SNX29: variants seen among roughly 807,000 people sequenced by gnomAD.
SNX29 encodes the protein sorting nexin 29.
A neutral mutation model predicts 102.1 loss-of-function variants in SNX29; 78 were observed. That is an observed-to-expected ratio of 0.76 (90% CI 0.64 to 0.92). The LOEUF (loss-of-function observed/expected upper bound fraction) is 0.92. SNX29 is among the 40% of genes least tolerant of loss of function. The probability of loss-of-function intolerance (pLI) is 0.00; values close to 1 mark genes in which losing one functional copy is unlikely to be tolerated. For missense variants in SNX29, 1,280 were observed against 1,061.7 expected (o/e 1.21, Z -2.86); for synonymous variants, 580 against 414.5 (o/e 1.40, Z -4.85).
chr16:11,999,240 T>C, intron 1 of SNX29, 57 bp from the exon 2 acceptor site: 2 of 1,539,250 alleles, frequency 1.3e-6, no homozygotes, highest in Non-Finnish European at 9.0e-7. Flanking sequence ...CTGATCTAGT[T>C]GGGGACAGCC....
At chr16:12,032,203 C>CTTTT (rs781326269) in intron 4 of SNX29, among the ~76,000 whole-genome samples, 1 of 124,394 alleles carries the variant, frequency 8.0e-6, no homozygotes, top group African/African-American at 3.4e-5. Context: ...TCTTCTTCTT[C>CTTTT]TTTTTTTTTT....
Position 12,188,938 on chromosome 16 carries a change from T to G in SNX29, c.1596-10663T>G, listed in dbSNP as rs138729512. On this transcript the variant is annotated intron_variant, in intron 13 of 20. Transcript: ENST00000566228. The stretch of plus-strand genomic sequence containing the variant: ...CTTGTACGTGGGAGGTACCACTGTT[T>G]TCTGAACAGGGTTATGAGCAATAAT... Among the ~76,000 whole-genome samples, 574 of 152,270 alleles carry G rather than the reference T, an allele frequency of 3.8e-3. 5 individuals are homozygous for G. The highest frequency in any genetic ancestry group is 0.014 in the Middle Eastern group (4 of 294).
intron 3 of SNX29, among the ~76,000 whole-genome samples, chr16:12,018,598 G>A (rs2056920577): frequency 6.6e-6 from 1 of 151,066 alleles, no homozygotes; most frequent in African/African-American, 2.4e-5. Flanking sequence ...AAAAAAAAAA[G>A]AAAGATATAT....
intron 15 of SNX29, among the ~76,000 whole-genome samples, chr16:12,354,764 C>T (rs2082084282): frequency 6.6e-6 from 1 of 152,100 alleles, no homozygotes; most frequent in African/African-American, 2.4e-5. Flanking sequence ...TTGTTAAAGG[C>T]CCAAAGACGA....
intron 19 of SNX29, among the ~76,000 whole-genome samples, chr16:12,485,027 A>G (rs1450651626): frequency 6.6e-6 from 1 of 152,248 alleles, no homozygotes; most frequent in Non-Finnish European, 1.5e-5. Flanking sequence ...AATTCAGTGG[A>G]AGAGTTTCCC....
chr16:12,116,918 A>C (rs1487929003), intron 11 of SNX29, among the ~76,000 whole-genome samples: 1 of 152,214 alleles, frequency 6.6e-6, no homozygotes, highest in Admixed American at 6.5e-5. Flanking sequence ...GGCACGGTCA[A>C]TACGTGCTTC....
intron 10 of SNX29, among the ~76,000 whole-genome samples, chr16:12,078,295 C>G (rs148509236): frequency 2.6e-5 from 4 of 151,606 alleles, no homozygotes; most frequent in Admixed American, 1.3e-4. Context: ...GCCAACTTGG[C>G]GAAACCCCAT....
At chr16:12,134,765 C>T (rs1383624914) in intron 13 of SNX29, among the ~76,000 whole-genome samples, 2 of 152,210 alleles carry the variant, frequency 1.3e-5, no homozygotes, top group African/African-American at 2.4e-5. Flanking sequence ...CTGCCTGCTA[C>T]ACTCATCAGG....
At chr16:12,472,537 A>C (rs899636228) in intron 18 of SNX29, among the ~76,000 whole-genome samples, 4 of 149,856 alleles carry the variant, frequency 2.7e-5, no homozygotes, top group African/African-American at 7.3e-5. Context: ...ACCAAAAAAA[A>C]AAAAAACAAA....
rs150890802 is a variant in SNX29, at chr16:12,471,351, A to G, written c.2038-6368A>G. On this transcript the variant is annotated intron_variant, in intron 18 of 20. Transcript: ENST00000566228. ...ACGTGTACAAAATGTTGTCCTGAAT[A>G]TAATTGCTTAATTCTCCTCCTCTTC... Among the ~76,000 whole-genome samples, 19 of 152,308 alleles carry G rather than the reference A, an allele frequency of 1.2e-4. No homozygotes were observed. In the South Asian group the frequency reaches 2.3e-3, roughly 18 times the overall value.
At chr16:12,123,387 TACTC>T (rs2054062026) in intron 11 of SNX29, among the ~76,000 whole-genome samples, 1 of 152,194 alleles carries the variant, frequency 6.6e-6, no homozygotes, top group African/African-American at 2.4e-5. Context: ...CTGCAGAACT[TACTC>T]ATCTTCTAAC....
chr16:12,542,377 C>T (rs769870347), intron 20 of SNX29, among the ~76,000 whole-genome samples: 1 of 152,204 alleles, frequency 6.6e-6, no homozygotes, highest in Non-Finnish European at 1.5e-5. Context: ...GTTCTATCAC[C>T]CAGGGTGGAG....
At chr16:12,085,074 GA>G (rs1363748523) in intron 11 of SNX29, among the ~76,000 whole-genome samples, 1 of 150,362 alleles carries the variant, frequency 6.7e-6, no homozygotes, top group Non-Finnish European at 1.5e-5. Flanking sequence ...GTCTCAAAAA[GA>G]AAAAGAAAAA....
intron 11 of SNX29, among the ~76,000 whole-genome samples, chr16:12,083,025 CG>C (rs1162816972): frequency 6.6e-6 from 1 of 151,992 alleles, no homozygotes; most frequent in African/African-American, 2.4e-5. Flanking sequence ...TTTTCTCGGC[CG>C]GGCACGGTGG....
intron 20 of SNX29, among the ~76,000 whole-genome samples, chr16:12,565,835 CCT>C (rs1218769690): frequency 1.3e-5 from 2 of 152,206 alleles, no homozygotes; most frequent in African/African-American, 2.4e-5. Context: ...ACCCTCCACA[CCT>C]CTGCCTCCTC....
At chr16:12,073,061 TTTTC>T (rs2051373939) in intron 10 of SNX29, among the ~76,000 whole-genome samples, 1 of 152,178 alleles carries the variant, frequency 6.6e-6, no homozygotes, top group Non-Finnish European at 1.5e-5. Flanking sequence ...TTCTCTCTTT[TTTTC>T]TTTATTAGTC....
chr16:12,450,038 A>G (rs939783469), intron 18 of SNX29, among the ~76,000 whole-genome samples: 1 of 152,132 alleles, frequency 6.6e-6, no homozygotes, highest in African/African-American at 2.4e-5. Context: ...AGGAGAGCTG[A>G]TGGTTTTATA....
chr16:12,153,472 A>C (rs1004343765), intron 13 of SNX29, among the ~76,000 whole-genome samples: 98 of 146,324 alleles, frequency 6.7e-4, no homozygotes, highest in African/African-American at 2.1e-3. Flanking sequence ...AAAAAAAAAA[A>C]CAAAAAACAA....
At chr16:12,394,716 C>T (rs11642448) in intron 16 of SNX29, among the ~76,000 whole-genome samples, 23,327 of 152,134 alleles carry the variant, frequency 0.15, 1,962 homozygotes, top group Middle Eastern at 0.24. Context: ...GGAGAAAGCC[C>T]GAGCACCTGA....
Sources: allele counts gnomAD v4.1 joint callset (sites outside exome capture counted in the v4.1 genomes callset), GRCh38; gene constraint gnomAD v4.1.1; transcripts MANE v1.5; gene names NCBI Gene and HGNC (gene_info 2026-07-23, HGNC 2026-07-21).